Variants in RAD51B observed in about 807,000 individuals in gnomAD.
RAD51B encodes RAD51 paralog B.
In RAD51B, 38 loss-of-function variants were observed where a neutral mutation model predicts 42.2. That is an observed-to-expected ratio of 0.90 (90% CI 0.70 to 1.18). RAD51B has a LOEUF of 1.18. Among genes scored for constraint, RAD51B ranks in the 50% most tolerant of loss-of-function variants. The pLI is 0.00. For missense variants in RAD51B, 373 were observed against 400.7 expected (o/e 0.93, Z 0.59); for synonymous variants, 154 against 145.2 (o/e 1.06, Z -0.43).
intron 10 of RAD51B, among the ~76,000 whole-genome samples, chr14:68,472,591 G>C (rs764455798): frequency 1.3e-5 from 2 of 152,212 alleles, no homozygotes; most frequent in Non-Finnish European, 2.9e-5. Flanking sequence ...GAAGATAGTG[G>C]CTTAGTTCCT....
intron 7 of RAD51B, among the ~76,000 whole-genome samples, chr14:68,194,589 C>T (rs2079332194): frequency 6.6e-6 from 1 of 152,178 alleles, no homozygotes; most frequent in South Asian, 2.1e-4. Flanking sequence ...GTCCATGACC[C>T]ATTTATTTTG....
intron 5 of RAD51B, among the ~76,000 whole-genome samples, chr14:67,874,084 A>G (rs1320200909): frequency 6.6e-6 from 1 of 151,932 alleles, no homozygotes; most frequent in Admixed American, 6.5e-5. Flanking sequence ...AACTTAAAGT[A>G]TAATAATAAT....
intron 7 of RAD51B, among the ~76,000 whole-genome samples, chr14:68,200,652 A>C (rs951434359): frequency 4.6e-5 from 7 of 151,142 alleles, no homozygotes; most frequent in Admixed American, 2.6e-4. Flanking sequence ...AAAATAAATC[A>C]ATAATTTTTT....
chr14:68,622,423 T>C (rs753970481), intron 10 of RAD51B, among the ~76,000 whole-genome samples: 1 of 152,066 alleles, frequency 6.6e-6, no homozygotes, highest in Non-Finnish European at 1.5e-5. Context: ...CAAATATGGA[T>C]CAAGTAATTA....
intron 5 of RAD51B, among the ~76,000 whole-genome samples, chr14:67,880,530 A>G (rs1349343344): frequency 6.6e-6 from 1 of 152,234 alleles, no homozygotes; most frequent in Non-Finnish European, 1.5e-5. Flanking sequence ...ATTGACAAAA[A>G]CAGGCAATGG....
intron 10 of RAD51B, chr14:68,545,623 A>G (rs1481783076): frequency 2.2e-6 from 1 of 456,006 alleles, no homozygotes; most frequent in Non-Finnish European, 4.4e-6. Context: ...ACCAGAGTAG[A>G]GGTAAGAACG....
At chr14:67,830,241 A>G (rs1375485394) in intron 3 of RAD51B, among the ~76,000 whole-genome samples, 4 of 152,220 alleles carry the variant, frequency 2.6e-5, no homozygotes, top group Non-Finnish European at 5.9e-5. Context: ...TTTAAAAAAA[A>G]TCAGTCTTGG....
intron 4 of RAD51B, among the ~76,000 whole-genome samples, chr14:67,861,737 T>C (rs1305044468): frequency 6.6e-6 from 1 of 152,170 alleles, no homozygotes; most frequent in Non-Finnish European, 1.5e-5. Flanking sequence ...TGTTACTTCA[T>C]TTCTTCAAGG....
chr14:68,489,934 G>T (rs1202588217), intron 10 of RAD51B, among the ~76,000 whole-genome samples: 4 of 152,152 alleles, frequency 2.6e-5, no homozygotes, highest in African/African-American at 9.7e-5. Context: ...GCTTCACTTG[G>T]TGAGTTTTCC....
In RAD51B at chr14:68,006,319, G is replaced by A. The variant is rs142493126; in HGVS notation, c.756+119115G>A. Among the ~76,000 whole-genome samples, 1,054 of 152,054 alleles carry A rather than the reference G, an allele frequency of 6.9e-3. 12 individuals carry two copies. The highest frequency in any genetic ancestry group is 0.024 in the African/African-American group (989 of 41,482). On this transcript the variant is annotated intron_variant, in intron 7 of 10. Transcript: ENST00000471583. ...CTTCTCTATGGGTATATTTTTATTA[G>A]TTACTCAGTTTTTAAATAGTTATCC...
chr14:68,000,122 T>C (rs1203502721), intron 7 of RAD51B, among the ~76,000 whole-genome samples: 2 of 152,176 alleles, frequency 1.3e-5, no homozygotes, highest in Admixed American at 6.6e-5. Context: ...CATTCCTATT[T>C]ATTGCCATGA....
chr14:68,176,924 A>G (rs2078972311), intron 7 of RAD51B, among the ~76,000 whole-genome samples: 1 of 152,196 alleles, frequency 6.6e-6, no homozygotes, highest in African/African-American at 2.4e-5. Flanking sequence ...CACTATGCCA[A>G]GATGGAGTTC....
At chr14:67,828,557 C>A (rs904582818) in intron 3 of RAD51B, among the ~76,000 whole-genome samples, 1 of 152,004 alleles carries the variant, frequency 6.6e-6, no homozygotes, top group Non-Finnish European at 1.5e-5. Flanking sequence ...TTTGCTTGTG[C>A]CTATGTTCTG....
intron 10 of RAD51B, chr14:68,563,444 A>G (rs1008320090): frequency 1.0e-6 from 1 of 985,374 alleles, no homozygotes; most frequent in African/African-American, 1.7e-5. Flanking sequence ...CAGGGAAGTG[A>G]CAAGGTAACA....
At chr14:68,212,624 G>A (rs2079734616) in intron 7 of RAD51B, among the ~76,000 whole-genome samples, 1 of 152,148 alleles carries the variant, frequency 6.6e-6, no homozygotes, top group Admixed American at 6.5e-5. Context: ...ATAGCAATAG[G>A]GTTTGGTGTC....
chr14:67,953,196 A>C (rs555446915), intron 7 of RAD51B, among the ~76,000 whole-genome samples: 13 of 152,292 alleles, frequency 8.5e-5, no homozygotes, highest in Admixed American at 7.9e-4. Context: ...TAAGTGCTTC[A>C]TGAAGGAAGT....
At chr14:68,168,709 G>A (rs534240124) in intron 7 of RAD51B, among the ~76,000 whole-genome samples, 124 of 152,208 alleles carry the variant, frequency 8.1e-4, no homozygotes, top group African/African-American at 2.9e-3. Flanking sequence ...TAAAAGCATA[G>A]TTCACTGGAT....
chr14:68,294,400 AG>A (rs1337411230), intron 8 of RAD51B, among the ~76,000 whole-genome samples: 3 of 152,234 alleles, frequency 2.0e-5, no homozygotes, highest in African/African-American at 7.2e-5. Context: ...ACAATGTCTT[AG>A]AACATTTATA....
chr14:68,572,631 A>G (rs1889762953), intron 10 of RAD51B, among the ~76,000 whole-genome samples: 1 of 152,100 alleles, frequency 6.6e-6, no homozygotes, highest in African/African-American at 2.4e-5. Flanking sequence ...CACCTGCCAA[A>G]GCCACTCCCA....
Sources: allele counts gnomAD v4.1 joint callset (sites outside exome capture counted in the v4.1 genomes callset), GRCh38; gene constraint gnomAD v4.1.1; transcripts MANE v1.5; gene names NCBI Gene and HGNC (gene_info 2026-07-23, HGNC 2026-07-21).